The following KCNH5 variants were observed in gnomAD, a reference collection of about 807,000 sequenced individuals.
The protein encoded by KCNH5 is voltage-gated delayed rectifier potassium channel KCNH5.
In KCNH5, 46 loss-of-function variants were observed where a neutral mutation model predicts 96.1. The ratio of observed to expected loss-of-function variants is 0.48; its 90% confidence interval spans 0.38 to 0.61. KCNH5 has a LOEUF of 0.61. Ranked by LOEUF, KCNH5 falls within the 20% of genes least tolerant of loss-of-function variation. The pLI is 0.00. For synonymous variants in KCNH5, 439 were observed against 449.8 expected, an observed-to-expected ratio of 0.98 and a Z score of 0.30; for missense variants, 907 against 1,225.8, an observed-to-expected ratio of 0.74 and a Z score of 3.88.
intron 7 of KCNH5, among the ~76,000 whole-genome samples, chr14:62,854,938 T>C (rs186432058): frequency 1.6e-4 from 24 of 150,292 alleles, no homozygotes; most frequent in African/African-American, 5.8e-4. Flanking sequence ...GCAAGGTCTA[T>C]ATTCTGATCC....
intron 8 of KCNH5, among the ~76,000 whole-genome samples, chr14:62,828,977 A>G (rs541167417): frequency 6.6e-6 from 1 of 152,284 alleles, no homozygotes; most frequent in South Asian, 2.1e-4. Flanking sequence ...CACTCCAAAA[A>G]GGGAGAAATG....
intron 7 of KCNH5, among the ~76,000 whole-genome samples, chr14:62,907,963 T>C (rs1188787266): frequency 6.6e-6 from 1 of 152,180 alleles, no homozygotes; most frequent in Non-Finnish European, 1.5e-5. Flanking sequence ...CTTCAAAATA[T>C]TAAAGATACT....
chr14:62,719,100 T>C (rs1439498167), intron 10 of KCNH5, among the ~76,000 whole-genome samples: 1 of 152,224 alleles, frequency 6.6e-6, no homozygotes, highest in African/African-American at 2.4e-5. Flanking sequence ...CTTCTGGGGA[T>C]GATGAAAATG....
intron 2 of KCNH5, among the ~76,000 whole-genome samples, chr14:63,014,597 G>T (rs67610164): frequency 0.29 from 43,587 of 151,946 alleles, 7,438 homozygotes; most frequent in East Asian, 0.57. Flanking sequence ...GAGCAGGACT[G>T]AAAATAGATC....
At chr14:62,832,052 T>G (rs182794221) in intron 8 of KCNH5, among the ~76,000 whole-genome samples, 1 of 152,196 alleles carries the variant, frequency 6.6e-6, no homozygotes, top group African/African-American at 2.4e-5. Context: ...TCGATATTTC[T>G]TTACCATTTA....
At chr14:62,817,779 AATATAT>A (rs1209539063) in intron 8 of KCNH5, among the ~76,000 whole-genome samples, 2 of 144,050 alleles carry the variant, frequency 1.4e-5, no homozygotes, top group Admixed American at 7.1e-5. Context: ...ATATTCTAGG[AATATAT>A]ATATATATTC....
At chr14:62,867,763 C>A (rs896208341) in intron 7 of KCNH5, among the ~76,000 whole-genome samples, 5 of 152,166 alleles carry the variant, frequency 3.3e-5, no homozygotes, top group African/African-American at 4.8e-5. Flanking sequence ...CAGGCACTGG[C>A]CCCATGGATT....
intron 7 of KCNH5, among the ~76,000 whole-genome samples, chr14:62,932,883 G>A (rs910137274): frequency 1.3e-5 from 2 of 152,118 alleles, no homozygotes; most frequent in African/African-American, 4.8e-5. Context: ...ACCCAGACAA[G>A]CTATCAGTTA....
At chr14:62,722,953 T>C (rs1191119238) in intron 10 of KCNH5, among the ~76,000 whole-genome samples, 1 of 152,186 alleles carries the variant, frequency 6.6e-6, no homozygotes, top group Non-Finnish European at 1.5e-5. Flanking sequence ...TAATGCTATG[T>C]ACAATTTTGT....
At chr14:62,824,102 T>A (rs1887170316) in intron 8 of KCNH5, among the ~76,000 whole-genome samples, 1 of 151,940 alleles carries the variant, frequency 6.6e-6, no homozygotes, top group African/African-American at 2.4e-5. Context: ...TTCACCAAGA[T>A]GAGCCCCAAA....
intron 9 of KCNH5, among the ~76,000 whole-genome samples, chr14:62,787,071 T>C (rs1455311639): frequency 6.6e-6 from 1 of 152,130 alleles, no homozygotes; most frequent in Non-Finnish European, 1.5e-5. Context: ...GTAGACATAA[T>C]TAAGCTTAGT....
In KCNH5 at chr14:62,831,062, G is replaced by A. The variant is rs367763280; in HGVS notation, c.1569+18591C>T. Among the ~76,000 whole-genome samples, 14 of 152,172 alleles carry A rather than the reference G, an allele frequency of 9.2e-5. 1 individual carries two copies. The highest frequency in any genetic ancestry group is 2.6e-4 in the Admixed American group (4 of 15,290). On this transcript the variant is annotated intron_variant, in intron 8 of 10. Coordinates refer to ENST00000322893, the MANE Select transcript of KCNH5 (RefSeq NM_139318.5). ...AAGCCATCTGACTGCACAGTAGCACGTCCCTTGATCCACCGGCCTCAGTCC... is the reference window on the plus strand; with the variant it reads ...AAGCCATCTGACTGCACAGTAGCACATCCCTTGATCCACCGGCCTCAGTCC...
intron 8 of KCNH5, among the ~76,000 whole-genome samples, chr14:62,843,700 G>A (rs1450223959): frequency 6.6e-6 from 1 of 152,120 alleles, no homozygotes; most frequent in African/African-American, 2.4e-5. Flanking sequence ...GTGAGCCACT[G>A]AGCCCGGCCC....
intron 8 of KCNH5, among the ~76,000 whole-genome samples, chr14:62,812,549 A>C (rs1886893798): frequency 6.6e-6 from 1 of 152,110 alleles, no homozygotes; most frequent in South Asian, 2.1e-4. Context: ...ACTTTCATGC[A>C]CTATGGTATC....
At chr14:62,778,623 A>G (rs117929090) in intron 10 of KCNH5, among the ~76,000 whole-genome samples, 1,777 of 152,352 alleles carry the variant, frequency 0.012, 18 homozygotes, top group Non-Finnish European at 0.017. Flanking sequence ...TGTGTTTGAC[A>G]TAATATTCAC....
At chr14:62,853,458 T>TATATATATATATATATATC (rs1555360132) in intron 7 of KCNH5, among the ~76,000 whole-genome samples, 7 of 43,966 alleles carry the variant, frequency 1.6e-4, no homozygotes, top group African/African-American at 4.7e-4. Context: ...AGAATAATCA[T>TATATATATATATATATATC]ATATATATAT....
intron 7 of KCNH5, among the ~76,000 whole-genome samples, chr14:62,935,524 G>A (rs539826565): frequency 1.8e-4 from 27 of 152,260 alleles, no homozygotes; most frequent in Admixed American, 2.6e-4. Context: ...AAAAGGTGGT[G>A]TGAATTAATA....
At chr14:63,034,489 C>T (rs1463862159) in intron 1 of KCNH5, among the ~76,000 whole-genome samples, 1 of 152,180 alleles carries the variant, frequency 6.6e-6, no homozygotes, top group South Asian at 2.1e-4. Flanking sequence ...TATCCTACAA[C>T]AATCCTCTAG....
At chr14:62,955,465 C>A (rs1189657457) in intron 6 of KCNH5, among the ~76,000 whole-genome samples, 1 of 152,128 alleles carries the variant, frequency 6.6e-6, no homozygotes, top group Non-Finnish European at 1.5e-5. Context: ...TATGTGGTAC[C>A]TATCATTAAA....
Sources: allele counts gnomAD v4.1 joint callset (sites outside exome capture counted in the v4.1 genomes callset), GRCh38; gene constraint gnomAD v4.1.1; transcripts MANE v1.5; gene names NCBI Gene and HGNC (gene_info 2026-07-23, HGNC 2026-07-21).